Variants in ENAH observed in about 807,000 individuals in gnomAD.
ENAH encodes protein enabled homolog.
In ENAH, 23 loss-of-function variants were observed where a neutral mutation model predicts 78.7. The ratio of observed to expected loss-of-function variants is 0.29; its 90% CI spans 0.21 to 0.41. The LOEUF (loss-of-function observed/expected upper bound fraction) is 0.41. Ranked by LOEUF, ENAH falls within the 10% of genes least tolerant of loss-of-function variation. The pLI is 1.00. For synonymous variants in ENAH, 226 were observed against 241.0 expected (o/e 0.94, Z 0.58); for missense variants, 544 against 691.0 (o/e 0.79, Z 2.39).
intron 1 of ENAH, among the ~76,000 whole-genome samples, chr1:225,637,897 T>C (rs1660348285): frequency 1.3e-5 from 2 of 152,204 alleles, no homozygotes; most frequent in Admixed American, 1.3e-4. Flanking sequence ...CATTTCAGCC[T>C]GTGTAACAGT....
At chr1:225,639,864 C>T (rs1336499779) in intron 1 of ENAH, among the ~76,000 whole-genome samples, 2 of 152,094 alleles carry the variant, frequency 1.3e-5, no homozygotes, top group Admixed American at 6.6e-5. Context: ...AAAATGTACC[C>T]GTGTCCTCAA....
intron 11 of ENAH, chr1:225,505,072 T>C: frequency 6.4e-7 from 1 of 1,573,930 alleles, no homozygotes; most frequent in Non-Finnish European, 8.7e-7. Context: ...GGGAAAACCA[T>C]TGAAAGGGAT....
intron 3 of ENAH, among the ~76,000 whole-genome samples, chr1:225,540,589 A>G (rs2096584257): frequency 6.6e-6 from 1 of 152,058 alleles, no homozygotes; most frequent in African/African-American, 2.4e-5. Context: ...AACCTCAGAC[A>G]TTTCCACAAT....
In ENAH at chr1:225,590,321, C is replaced by T. The variant is rs538541643; in HGVS notation, c.6-22907G>A. Among the ~76,000 whole-genome samples, 12 of 152,018 alleles carry T rather than the reference C, an allele frequency of 7.9e-5. No individual in the cohort carries two copies. In the South Asian group the frequency reaches 2.3e-3, roughly 29 times the overall value. On this transcript the variant is annotated intron_variant, in intron 1 of 13. Coordinates refer to ENST00000366843, the MANE Select transcript of ENAH (RefSeq NM_018212.6). ...GAGACGCTGTCTCAACTAAAAAATA[C>T]AAAAATTACCCGGGCATGATGGCGC... is the stretch of plus-strand genomic sequence containing the variant.
chr1:225,505,862 C>G (rs372447393), intron 11 of ENAH, among the ~76,000 whole-genome samples: 16 of 152,074 alleles, frequency 1.1e-4, no homozygotes, highest in African/African-American at 3.9e-4. Flanking sequence ...GGAAAACCAC[C>G]TAACAGAATT....
chr1:225,513,862 G>A (rs2096395884), intron 7 of ENAH, among the ~76,000 whole-genome samples: 2 of 151,958 alleles, frequency 1.3e-5, no homozygotes, highest in Non-Finnish European at 2.9e-5. Flanking sequence ...CATGGTGGTG[G>A]GTGCCTGTAA....
At chr1:225,541,883 T>G (rs2096590862) in intron 3 of ENAH, among the ~76,000 whole-genome samples, 1 of 152,158 alleles carries the variant, frequency 6.6e-6, no homozygotes, top group South Asian at 2.1e-4. Context: ...CTCTAGTTTG[T>G]TTTTTGTTTT....
chr1:225,530,014 T>C (rs957507985), intron 4 of ENAH, among the ~76,000 whole-genome samples: 1 of 152,180 alleles, frequency 6.6e-6, no homozygotes, highest in African/African-American at 2.4e-5. Context: ...GCCTGCCTGC[T>C]CACCATCCTG....
chr1:225,517,647 C>G (rs917557628), intron 5 of ENAH: 1 of 1,550,516 alleles, frequency 6.4e-7, no homozygotes, highest in Non-Finnish European at 8.7e-7. Flanking sequence ...TGGAAGTAGA[C>G]CAGGCACAGG....
At chr1:225,553,883 A>T (rs2096653588) in intron 3 of ENAH, among the ~76,000 whole-genome samples, 1 of 152,222 alleles carries the variant, frequency 6.6e-6, no homozygotes, top group Non-Finnish European at 1.5e-5. Context: ...AAAACATCTA[A>T]AGGCATAACA....
At chr1:225,516,479 A>G (rs1332888276) in intron 6 of ENAH, among the ~76,000 whole-genome samples, 1 of 152,212 alleles carries the variant, frequency 6.6e-6, no homozygotes, top group Non-Finnish European at 1.5e-5. Flanking sequence ...GTTGGGCACT[A>G]AATATATCTC....
intron 1 of ENAH, among the ~76,000 whole-genome samples, chr1:225,602,062 T>C (rs1364973996): frequency 6.6e-6 from 1 of 152,002 alleles, no homozygotes; most frequent in Non-Finnish European, 1.5e-5. Context: ...TAAATATTAA[T>C]AGCCTAGATA....
intron 11 of ENAH, chr1:225,505,203 A>T: frequency 1.9e-6 from 1 of 533,488 alleles, no homozygotes; most frequent in East Asian, 3.2e-5. Flanking sequence ...CCAATAAAAG[A>T]TATTTTAAGA....
Position 225,487,545 on chromosome 1 carries a change from T to C in ENAH, c.*10230A>G, listed in dbSNP as rs901167179. On this transcript the variant is annotated 3_prime_UTR_variant, in exon 14 of 14. Coordinates refer to ENST00000366843, the MANE Select transcript of ENAH (RefSeq NM_018212.6). ...GCCCATTAATTCACAAATTCCATGA[T>C]AAGATACATGAGGTTCTGTATGCAT... 2.0e-5 allele frequency: 3 copies of C among 152,248 alleles called. No homozygotes were observed. Among genetic ancestry groups the C allele is most frequent in the Non-Finnish European group, 4.4e-5 (3 of 68,046 alleles). 9.4% of individuals were successfully genotyped at this position (152,248 alleles called of 1,614,324 possible).
intron 1 of ENAH, among the ~76,000 whole-genome samples, chr1:225,571,867 G>A (rs1012817899): frequency 2.6e-5 from 4 of 152,066 alleles, no homozygotes; most frequent in East Asian, 1.9e-4. Flanking sequence ...CTCAACCCCC[G>A]CACCCTCACA....
At chr1:225,509,593 T>C (rs1537877) in intron 10 of ENAH, among the ~76,000 whole-genome samples, 6,526 of 152,234 alleles carry the variant, frequency 0.043, 228 homozygotes, top group South Asian at 0.11. Context: ...CTGCCTATCT[T>C]AATCCTCCCT....
intron 1 of ENAH, among the ~76,000 whole-genome samples, chr1:225,639,253 GTTGGTGGCTACACAGGTATGTA>G (rs1028338965): frequency 6.6e-6 from 1 of 152,168 alleles, no homozygotes; most frequent in Non-Finnish European, 1.5e-5. Flanking sequence ...TCCAGACCTG[GTTGGTGGCTACACAGGTATGTA>G]TACATAGTAA....
At chr1:225,542,905 G>A (rs562114615) in intron 3 of ENAH, among the ~76,000 whole-genome samples, 1 of 151,930 alleles carries the variant, frequency 6.6e-6, no homozygotes, top group African/African-American at 2.4e-5. Flanking sequence ...TGTAGTCCCA[G>A]CTACTCAGGA....
chr1:225,577,054 G>C (rs1308116018), intron 1 of ENAH, among the ~76,000 whole-genome samples: 2 of 152,128 alleles, frequency 1.3e-5, no homozygotes, highest in Non-Finnish European at 2.9e-5. Context: ...AGGATTACTG[G>C]AGCCTTGGGC....
Sources: gnomAD v4.1 joint callset for allele counts (sites outside exome capture counted in the v4.1 genomes callset) on GRCh38, gnomAD v4.1.1 for gene constraint, MANE v1.5 for transcripts, NCBI Gene and HGNC (gene_info 2026-07-23, HGNC 2026-07-21) for gene names.